RNF185: variants seen among roughly 807,000 people sequenced by gnomAD.
RNF185 encodes E3 ubiquitin-protein ligase RNF185.
A neutral mutation model predicts 24.9 loss-of-function variants in RNF185; 13 were observed. That is an observed-to-expected ratio of 0.52 (90% CI 0.34 to 0.83). The LOEUF is 0.83. Ranked by LOEUF, RNF185 falls within the 40% of genes least tolerant of loss-of-function variation. The probability of loss-of-function intolerance (pLI) is 0.01; values close to 1 mark genes in which losing one functional copy is unlikely to be tolerated. For synonymous variants in RNF185, 79 were observed against 90.3 expected (o/e 0.88, Z 0.71); for missense variants, 184 against 244.7 (o/e 0.75, Z 1.65).
intron 1 of RNF185, among the ~76,000 whole-genome samples, chr22:31,173,909 T>C (rs1362503113): frequency 6.6e-6 from 1 of 152,228 alleles, no homozygotes; most frequent in Admixed American, 6.5e-5. Context: ...ATTCAAGGAA[T>C]GATGCTCATT....
intron 1 of RNF185, among the ~76,000 whole-genome samples, chr22:31,177,285 T>A (rs1266745401): frequency 6.6e-6 from 1 of 151,796 alleles, no homozygotes; most frequent in Non-Finnish European, 1.5e-5. Context: ...AATAATAGGA[T>A]CTTTAATGAA....
In RNF185 at chr22:31,192,668, C is replaced by T. The variant is rs1483934019; in HGVS notation, c.177-16C>T. ...TCCTTCTCCTTGATGACTGGTTGCC[C>T]TGGGGACTCTGGCAGTTGGCCGTGT... On this transcript the variant is annotated splice_polypyrimidine_tract_variant and intron_variant, in intron 2 of 6. Coordinates refer to ENST00000326132, the MANE Select transcript of RNF185 (RefSeq NM_152267.4). 1 of 1,613,248 alleles carries T rather than the reference C, an allele frequency of 6.2e-7. No individual in the cohort carries two copies. The highest frequency in any genetic ancestry group is 1.1e-5 in the South Asian group (1 of 91,048).
chr22:31,204,073 G>C (rs1369279481), intron 6 of RNF185, among the ~76,000 whole-genome samples: 4 of 149,890 alleles, frequency 2.7e-5, no homozygotes, highest in African/African-American at 9.8e-5. Context: ...GGCCAGGCAT[G>C]GTGGCTCATG....
intron 1 of RNF185, among the ~76,000 whole-genome samples, chr22:31,181,683 G>A (rs1043248478): frequency 6.6e-6 from 1 of 152,138 alleles, no homozygotes; most frequent in African/African-American, 2.4e-5. Flanking sequence ...CATAAAAAAT[G>A]ATGAGTTCAT....
rs1278548652 is a variant in RNF185 at position 31,204,783 on chromosome 22, G to A, written c.*197G>A. ...ATGACCCCTGAATATCGCCACCGCT[G>A]TAAACACTCTATAACTTCAGGCCTT... On this transcript the variant is annotated 3_prime_UTR_variant, in exon 7 of 7. Coordinates refer to ENST00000326132, the MANE Select transcript of RNF185 (RefSeq NM_152267.4). 13 of 563,008 alleles carry A rather than the reference G, an allele frequency of 2.3e-5. No individual in the cohort carries two copies. Among genetic ancestry groups the A allele is most frequent in the Non-Finnish European group, 4.2e-5 (13 of 310,760 alleles). 34.9% of individuals were successfully genotyped at this position (563,008 alleles called of 1,614,324 possible).
chr22:31,204,499 G>A lies in RNF185; in HGVS notation c.492G>A (p.Gly164=), dbSNP rs747536080. 1 of 1,609,010 alleles carries A rather than the reference G, an allele frequency of 6.2e-7. No homozygotes were observed. Reference sequence around the variant, plus strand: ...TTTCTGTCTCTCCAGCTGTCCCTGGGACACCCCAGTATGTGGACGAGCAGT... The same window carrying A: ...TTTCTGTCTCTCCAGCTGTCCCTGGAACACCCCAGTATGTGGACGAGCAGT... ...NDGRPPPAVP[G]TPQYVDEQFL... The change falls in exon 7 of 7, where the codon GGG becomes GGA. Residue 164 remains glycine, a synonymous_variant. Coordinates refer to ENST00000326132, the MANE Select transcript of RNF185 (RefSeq NM_152267.4).
At chr22:31,186,633 A>G (rs534432361) in intron 1 of RNF185, among the ~76,000 whole-genome samples, 18 of 152,300 alleles carry the variant, frequency 1.2e-4, no homozygotes, top group Non-Finnish European at 2.6e-4. Context: ...CTGGCATATG[A>G]CAATCACAAC....
chr22:31,190,541 C>T (rs1280770774), intron 2 of RNF185, among the ~76,000 whole-genome samples: 1 of 151,742 alleles, frequency 6.6e-6, no homozygotes, highest in African/African-American at 2.4e-5. Context: ...ACCGCCTCAG[C>T]CTTCCAAAGT....
chr22:31,176,527 C>CA (rs1014181158), intron 1 of RNF185, among the ~76,000 whole-genome samples: 2 of 148,380 alleles, frequency 1.3e-5, no homozygotes, highest in Non-Finnish European at 3.0e-5. Flanking sequence ...CTTGCTCTGT[C>CA]ACCCAGGCTG....
intron 1 of RNF185, among the ~76,000 whole-genome samples, chr22:31,166,578 TCTTCCC>T (rs1053576401): frequency 3.3e-5 from 5 of 150,870 alleles, no homozygotes; most frequent in Admixed American, 1.3e-4. Context: ...TTCTTCTTCT[TCTTCCC>T]CTTCCCCTTC....
At position 31,205,654 on chromosome 22, in the gene RNF185, C is replaced by A. The variant is rs1327463782; in HGVS notation, c.*1068C>A. 6.6e-6 allele frequency: 1 copy of A among 152,230 alleles called. No homozygotes were observed. The highest frequency in any genetic ancestry group is 2.4e-5 in the African/African-American group (1 of 41,454). 9.4% of individuals were successfully genotyped at this position (152,230 alleles called of 1,614,324 possible). On this transcript the variant is annotated 3_prime_UTR_variant, in exon 7 of 7. Transcript: ENST00000326132. ...AAGAGGCAAGGAAAGGGGAAACCCA[C>A]ATGTGACCCTGATTTTGGTATGGCT... is the stretch of plus-strand genomic sequence containing the variant.
At chr22:31,172,748 C>CAAAAAAAA (rs35573590) in intron 1 of RNF185, among the ~76,000 whole-genome samples, 4 of 97,712 alleles carry the variant, frequency 4.1e-5, no homozygotes, top group African/African-American at 1.5e-4. Context: ...GACCCCGTCT[C>CAAAAAAAA]AAAAAAAAAA....
rs542881531 is a variant in RNF185 at position 31,184,282 on chromosome 22, C to T, written c.-48-2765C>T. Among the ~76,000 whole-genome samples the T allele has an allele frequency of 4.0e-5, 6 of 149,998 alleles. No homozygotes were observed. In the South Asian group the frequency reaches 8.5e-4, roughly 21 times the overall value. On this transcript the variant is annotated intron_variant, in intron 1 of 6. Coordinates refer to ENST00000326132, the MANE Select transcript of RNF185 (RefSeq NM_152267.4). ...ACACTCCTCAGTTCCCAGACGGGGT[C>T]GCGGCCTGGCAGAGGCACTCCTCAC...
chr22:31,197,162 C>T, intron 5 of RNF185, 172 bp downstream of exon 5: 1 of 827,198 alleles, frequency 1.2e-6, no homozygotes, highest in Non-Finnish European at 1.8e-6. Flanking sequence ...CCAGAGGTAA[C>T]CACTGGAAAC....
intron 1 of RNF185, among the ~76,000 whole-genome samples, chr22:31,165,437 T>G (rs1339227899): frequency 6.6e-6 from 1 of 152,224 alleles, no homozygotes; most frequent in South Asian, 2.1e-4. Context: ...TTTGCTCATT[T>G]TGTAATTGAG....
chr22:31,193,812 A>G, intron 3 of RNF185, among the ~76,000 whole-genome samples: 1 of 151,464 alleles, frequency 6.6e-6, no homozygotes, highest in Non-Finnish European at 1.5e-5. Context: ...AAACCAAAAA[A>G]CCGAAAAAAA....
intron 1 of RNF185, among the ~76,000 whole-genome samples, chr22:31,181,455 T>C (rs142390743): frequency 4.5e-4 from 69 of 152,378 alleles, no homozygotes; most frequent in Admixed American, 1.4e-3. Context: ...TTGTTCTTGT[T>C]TCATCTTTTC....
intron 5 of RNF185, 95 bp downstream of exon 5, chr22:31,197,085 T>C (rs777703029): frequency 4.5e-6 from 7 of 1,541,986 alleles, no homozygotes; most frequent in Non-Finnish European, 6.1e-6. Flanking sequence ...ATTATAAAAG[T>C]AAAGGAAAAC....
chr22:31,182,505 G>T (rs1679362309), intron 1 of RNF185, among the ~76,000 whole-genome samples: 1 of 152,022 alleles, frequency 6.6e-6, no homozygotes, highest in Non-Finnish European at 1.5e-5. Flanking sequence ...TCACCATGTT[G>T]CCCAGGCTGG....
Sources: gnomAD v4.1 joint callset for allele counts (sites outside exome capture counted in the v4.1 genomes callset) on GRCh38, gnomAD v4.1.1 for gene constraint, MANE v1.5 for transcripts, NCBI Gene and HGNC (gene_info 2026-07-23, HGNC 2026-07-21) for gene names.